Variants in GPM6A observed in about 807,000 individuals in gnomAD.
GPM6A encodes the protein glycoprotein M6A.
GPM6A carries 7 observed loss-of-function variants against 32.1 expected under a neutral mutation model. That is an observed-to-expected ratio of 0.22 (90% CI 0.12 to 0.41). GPM6A has a LOEUF of 0.41. Ranked by LOEUF, GPM6A falls within the 10% of genes least tolerant of loss-of-function variation. The pLI, the probability that GPM6A is intolerant of heterozygous loss-of-function variation, is 1.00. For synonymous variants in GPM6A, 130 were observed against 123.4 expected (o/e 1.05, Z -0.35); for missense variants, 235 against 347.2 (o/e 0.68, Z 2.57).
intron 1 of GPM6A, among the ~76,000 whole-genome samples, chr4:175,886,722 AACACACAC>A (rs34241399): frequency 6.0e-4 from 87 of 145,810 alleles, no homozygotes; most frequent in East Asian, 2.0e-3. Flanking sequence ...AAACTCAGTA[AACACACAC>A]ACACACACAC....
At chr4:175,865,775 C>T (rs989249224) in intron 1 of GPM6A, among the ~76,000 whole-genome samples, 1 of 151,762 alleles carries the variant, frequency 6.6e-6, no homozygotes, top group Non-Finnish European at 1.5e-5. Context: ...GTCTATTCTG[C>T]TGAGGAATAT....
chr4:175,734,593 G>T (rs1481083863), intron 1 of GPM6A, among the ~76,000 whole-genome samples: 2 of 151,926 alleles, frequency 1.3e-5, no homozygotes, highest in Non-Finnish European at 2.9e-5. Flanking sequence ...TATATAATAG[G>T]CTGGGTGTGG....
At chr4:175,682,265 G>A (rs1376601511) in intron 2 of GPM6A, among the ~76,000 whole-genome samples, 1 of 152,124 alleles carries the variant, frequency 6.6e-6, no homozygotes, top group African/African-American at 2.4e-5. Flanking sequence ...TTGCATGGGT[G>A]CTTCTAACAG....
chr4:175,761,661 T>A (rs1732749184), intron 1 of GPM6A, among the ~76,000 whole-genome samples: 1 of 152,044 alleles, frequency 6.6e-6, no homozygotes, highest in Admixed American at 6.6e-5. Context: ...TTTTTTAAAG[T>A]AATAAAACAC....
intron 1 of GPM6A, chr4:175,805,986 G>A (rs1479168214): frequency 6.6e-6 from 1 of 152,218 alleles, no homozygotes; most frequent in Non-Finnish European, 1.5e-5. Flanking sequence ...CAACTTGAAA[G>A]CACATGGAAA....
intron 1 of GPM6A, among the ~76,000 whole-genome samples, chr4:175,810,885 G>GT (rs1560945825): frequency 3.3e-5 from 5 of 152,078 alleles, no homozygotes; most frequent in African/African-American, 1.2e-4. Flanking sequence ...GGGAGCTGAG[G>GT]TTTTTTAATT....
chr4:175,866,578 T>A (rs920370906), intron 1 of GPM6A, among the ~76,000 whole-genome samples: 1 of 152,178 alleles, frequency 6.6e-6, no homozygotes, highest in African/African-American at 2.4e-5. Flanking sequence ...ATTCCCCGTG[T>A]TTTTGCATGG....
intron 4 of GPM6A, among the ~76,000 whole-genome samples, chr4:175,648,836 T>C (rs1360766678): frequency 6.6e-6 from 1 of 152,226 alleles, no homozygotes; most frequent in African/African-American, 2.4e-5. Context: ...TCCTTGTGAT[T>C]ACACTGGGCC....
chr4:175,682,660 T>A (rs1221144951), intron 2 of GPM6A, among the ~76,000 whole-genome samples: 1 of 152,188 alleles, frequency 6.6e-6, no homozygotes, highest in African/African-American at 2.4e-5. Context: ...CAACTGCTCA[T>A]GCTCCAACCA....
intron 1 of GPM6A, among the ~76,000 whole-genome samples, chr4:175,904,567 A>G (rs1352908185): frequency 2.0e-5 from 3 of 152,154 alleles, no homozygotes; most frequent in South Asian, 2.1e-4. Flanking sequence ...TCAAAAGTAG[A>G]CTACCACCAC....
intron 1 of GPM6A, among the ~76,000 whole-genome samples, chr4:175,948,925 CT>C (rs1218508678): frequency 6.6e-6 from 1 of 150,780 alleles, no homozygotes; most frequent in Non-Finnish European, 1.5e-5. Flanking sequence ...AGATACTTTT[CT>C]TATTCTACCA....
intron 1 of GPM6A, among the ~76,000 whole-genome samples, chr4:175,842,241 A>T (rs2111387239): frequency 6.6e-6 from 1 of 152,314 alleles, no homozygotes; most frequent in South Asian, 2.1e-4. Context: ...CAAATTTAGC[A>T]TTAACGTATG....
At chr4:175,911,720 G>A (rs1384410182) in intron 1 of GPM6A, among the ~76,000 whole-genome samples, 2 of 152,154 alleles carry the variant, frequency 1.3e-5, no homozygotes, top group Admixed American at 6.6e-5. Context: ...TACAGATAAT[G>A]TAATAACCCA....
intron 1 of GPM6A, among the ~76,000 whole-genome samples, chr4:175,810,200 C>T (rs936955708): frequency 6.6e-6 from 1 of 152,112 alleles, no homozygotes; most frequent in African/African-American, 2.4e-5. Flanking sequence ...ACGCACATAT[C>T]GACAGAGCAT....
intron 2 of GPM6A, 102 bp from the exon 3 acceptor site, chr4:175,673,938 G>T: frequency 2.8e-6 from 2 of 704,776 alleles, no homozygotes; most frequent in Non-Finnish European, 4.5e-6. Flanking sequence ...GAAAGTTATA[G>T]AATATTTATA....
chr4:175,803,193 C>G (rs1734544522), intron 1 of GPM6A, among the ~76,000 whole-genome samples: 1 of 151,780 alleles, frequency 6.6e-6, no homozygotes, highest in African/African-American at 2.4e-5. Flanking sequence ...TCATCATCAT[C>G]ATCATCATCA....
intron 2 of GPM6A, among the ~76,000 whole-genome samples, chr4:175,700,851 A>G (rs1488582494): frequency 6.6e-6 from 1 of 152,226 alleles, no homozygotes; most frequent in Non-Finnish European, 1.5e-5. Flanking sequence ...TTATTTAGCA[A>G]TAAACGTTTC....
chr4:175,843,446 T>C (rs935687795), intron 1 of GPM6A, among the ~76,000 whole-genome samples: 1 of 152,184 alleles, frequency 6.6e-6, no homozygotes, highest in African/African-American at 2.4e-5. Context: ...TCATTTGTAA[T>C]CCTAGTTCCA....
intron 1 of GPM6A, among the ~76,000 whole-genome samples, chr4:175,737,503 C>T (rs1045405749): frequency 6.6e-6 from 1 of 151,194 alleles, no homozygotes; most frequent in Admixed American, 6.6e-5. Flanking sequence ...AAAAAAAATG[C>T]TGTAATATTT....
Sources: allele counts gnomAD v4.1 joint callset (sites outside exome capture counted in the v4.1 genomes callset), GRCh38; gene constraint gnomAD v4.1.1; transcripts MANE v1.5; gene names NCBI Gene and HGNC (gene_info 2026-07-23, HGNC 2026-07-21).